The following UCMA variants were observed in gnomAD, a reference collection of about 807,000 sequenced individuals.
UCMA encodes the protein upper zone of growth plate and cartilage matrix-associated protein.
In UCMA, 21 loss-of-function variants were observed where a neutral mutation model predicts 21.8. That is an observed-to-expected ratio of 0.97 (90% confidence interval 0.68 to 1.39). The LOEUF (loss-of-function observed/expected upper bound fraction) is 1.39, where lower values mean the gene tolerates loss of function less well. Among genes scored for constraint, UCMA ranks in the 40% most tolerant of loss-of-function variants. UCMA has a pLI of 0.00. For synonymous variants in UCMA, 76 were observed against 67.9 expected, an observed-to-expected ratio of 1.12 and a Z score of -0.58; for missense variants, 193 against 178.9, an observed-to-expected ratio of 1.08 and a Z score of -0.45.
chr10:13,234,069 CACACACAT>C, intron 1 of UCMA, 124 bp downstream of exon 1: 1 of 760,156 alleles, frequency 1.3e-6, no homozygotes, highest in Non-Finnish European at 2.1e-6. Flanking sequence ...ATGCACACGA[CACACACAT>C]ACACACATGT....
At chr10:13,233,024 T>C (rs1421238974) in intron 3 of UCMA, among the ~76,000 whole-genome samples, 1 of 151,984 alleles carries the variant, frequency 6.6e-6, no homozygotes, top group Non-Finnish European at 1.5e-5. Context: ...AGGGAGGAAG[T>C]AGCCAAGGCC....
At chr10:13,223,919 G>C (rs985906193) in intron 4 of UCMA, among the ~76,000 whole-genome samples, 1 of 152,108 alleles carries the variant, frequency 6.6e-6, no homozygotes, top group African/African-American at 2.4e-5. Context: ...AGGGAGGAAT[G>C]GCGAGTTACT....
chr10:13,230,850 A>G (rs60451973), intron 3 of UCMA, among the ~76,000 whole-genome samples: 17,814 of 152,234 alleles, frequency 0.12, 1,163 homozygotes, highest in African/African-American at 0.12. Flanking sequence ...TGAGGTCAGG[A>G]GTTCAAGCCC....
chr10:13,232,759 A>G (rs1834915440), intron 3 of UCMA, among the ~76,000 whole-genome samples: 1 of 152,124 alleles, frequency 6.6e-6, no homozygotes, highest in Non-Finnish European at 1.5e-5. Context: ...GACTCAAGCC[A>G]GAGACTCGGG....
chr10:13,227,729 A>G lies in UCMA; in HGVS notation c.319+1882T>C, dbSNP rs1315690976. ...GAGACTGTCTCAAAAAAAAAAAAAA[A>G]AAAGGAAAGGAAATACACACACACA... On this transcript the variant is annotated intron_variant, in intron 4 of 4. Coordinates refer to ENST00000378681, the MANE Select transcript of UCMA (RefSeq NM_145314.3). Among the ~76,000 whole-genome samples, 9 of 127,414 alleles carry G rather than the reference A, an allele frequency of 7.1e-5. No individual in the cohort carries two copies. In the East Asian group the frequency reaches 2.0e-3, roughly 28 times the overall value. The allele number at this position is 127,414 out of a possible 152,430, so 83.6% of individuals were successfully genotyped here.
chr10:13,224,815 C>T (rs538079489), intron 4 of UCMA, among the ~76,000 whole-genome samples: 66 of 152,240 alleles, frequency 4.3e-4, no homozygotes, highest in African/African-American at 1.5e-3. Context: ...GTTGAGGCAC[C>T]GCAGCTGCCA....
intron 4 of UCMA, among the ~76,000 whole-genome samples, chr10:13,226,530 G>A (rs2131603768): frequency 6.6e-6 from 1 of 152,170 alleles, no homozygotes; most frequent in South Asian, 2.1e-4. Flanking sequence ...TCGCTTAGTT[G>A]CCCAAGCTGG....
Position 13,234,264 on chromosome 10 carries a change from C to T in UCMA, c.-6G>A. 2 of 1,613,636 alleles carry T rather than the reference C, an allele frequency of 1.2e-6. No individual in the cohort carries two copies. The highest frequency in any genetic ancestry group is 1.7e-6 in the Non-Finnish European group (2 of 1,179,928). ...ACGGCCTGTCTCCAAGTCATCTTTG[C>T]AGAGGTAGGGGCTCCGTCCAGGACC... is the stretch of plus-strand genomic sequence containing the variant. On this transcript the variant is annotated 5_prime_UTR_variant, in exon 1 of 5. Coordinates refer to ENST00000378681, the MANE Select transcript of UCMA (RefSeq NM_145314.3).
rs766245822 is a variant in UCMA at position 13,233,564 on chromosome 10, G to A, written c.194C>T (p.Ser65Phe). ...ATTGACCTCATCTCTGGACTTGGGGGACCGCTTGCCGCGCCTCTTGAGGAA... is the reference window on the plus strand; with the variant it reads ...ATTGACCTCATCTCTGGACTTGGGGAACCGCTTGCCGCGCCTCTTGAGGAA... Reference protein sequence around the residue: ...SNFLKRRGKRSPKSRDEVNVE... With the variant: ...SNFLKRRGKRFPKSRDEVNVE... The change falls in exon 3 of 5, where the codon TCC becomes TTC. Residue 65 changes from serine to phenylalanine, a missense_variant. Transcript: ENST00000378681. 1 of 1,614,014 alleles carries A rather than the reference G, an allele frequency of 6.2e-7. No homozygotes were observed. The highest frequency in any genetic ancestry group is 2.2e-5 in the East Asian group (1 of 44,862).
chr10:13,233,438 G>C, intron 3 of UCMA, 100 bp downstream of exon 3: 2 of 956,488 alleles, frequency 2.1e-6, no homozygotes, highest in Non-Finnish European at 1.6e-6. Flanking sequence ...TTCGTGCCCA[G>C]CTGCATCCTG....
At chr10:13,231,097 A>G (rs542891420) in intron 3 of UCMA, among the ~76,000 whole-genome samples, 1 of 152,050 alleles carries the variant, frequency 6.6e-6, no homozygotes, top group Admixed American at 6.6e-5. Flanking sequence ...CTTGGAAGTA[A>G]GACGCTTACC....
chr10:13,233,744 C>A lies in UCMA; in HGVS notation c.115G>T (p.Ala39Ser). The A allele has an allele frequency of 6.2e-7, 1 of 1,614,036 alleles. No individual in the cohort carries two copies. Among genetic ancestry groups the A allele is most frequent in the Non-Finnish European group, 8.5e-7 (1 of 1,180,030 alleles). The change falls in exon 2 of 5, where the codon GCG becomes TCG. Residue 39 changes from alanine to serine, a missense_variant. Coordinates refer to ENST00000378681, the MANE Select transcript of UCMA (RefSeq NM_145314.3). ...VGTMQMAGEE[A>S]SEDAKQKIFM... is the part of the protein sequence containing the mutation. Reference sequence around the variant, plus strand: ...TGGCCCCTGCACTCACCTTCACTCGCCTCTTCTCCCGCCATCTGCATGGTG... The same window carrying A: ...TGGCCCCTGCACTCACCTTCACTCGACTCTTCTCCCGCCATCTGCATGGTG...
chr10:13,229,238 C>T (rs562081812), intron 4 of UCMA, among the ~76,000 whole-genome samples: 84 of 152,220 alleles, frequency 5.5e-4, no homozygotes, highest in Non-Finnish European at 1.0e-3. Flanking sequence ...GCCCGGCCCT[C>T]CCTTCTTTTC....
intron 3 of UCMA, among the ~76,000 whole-genome samples, chr10:13,231,047 A>AGAAT (rs1834892200): frequency 6.8e-6 from 1 of 146,456 alleles, no homozygotes; most frequent in African/African-American, 2.5e-5. Flanking sequence ...ACTCTGTCTT[A>AGAAT]AAATAAATAA....
Position 13,222,188 on chromosome 10 carries a change from C to T in UCMA, c.332G>A (p.Arg111Lys). 9.3e-6 allele frequency: 15 copies of T among 1,613,842 alleles called. No homozygotes were observed. Among genetic ancestry groups the T allele is most frequent in the Non-Finnish European group, 1.3e-5 (15 of 1,179,938 alleles). The change falls in exon 5 of 5, where the codon AGG (arginine) becomes AAG (lysine). Residue 111 changes from arginine to lysine, a missense_variant. Coordinates refer to ENST00000378681, the MANE Select transcript of UCMA (RefSeq NM_145314.3). Reference sequence around the variant, plus strand: ...CCACTGCTCCACAGCCTCCCGGCTCCTCTCTTCCTGCTCTGGGGAGGAAAG... The same window carrying T: ...CCACTGCTCCACAGCCTCCCGGCTCTTCTCTTCCTGCTCTGGGGAGGAAAG... Reference protein sequence around the residue: ...VEEQNDEQEERSREAVEQWRQ... With the variant: ...VEEQNDEQEEKSREAVEQWRQ...
chr10:13,233,473 A>T, intron 3 of UCMA, 65 bp downstream of exon 3: 1 of 1,321,642 alleles, frequency 7.6e-7, no homozygotes, highest in Non-Finnish European at 1.1e-6. Flanking sequence ...GTGGGAGAGG[A>T]GGAGCCGGGG....
chr10:13,234,140 G>C, intron 1 of UCMA, 61 bp downstream of exon 1: 2 of 1,480,052 alleles, frequency 1.4e-6, no homozygotes, highest in Non-Finnish European at 1.8e-6. Flanking sequence ...CCTTACCTGT[G>C]CATGGTAAGT....
chr10:13,227,270 A>G (rs1266096687), intron 4 of UCMA, among the ~76,000 whole-genome samples: 6 of 152,196 alleles, frequency 3.9e-5, no homozygotes, highest in Non-Finnish European at 7.3e-5. Context: ...TCCCCAGTCC[A>G]TCAGAGCAAA....
intron 1 of UCMA, 94 bp downstream of exon 1, chr10:13,234,107 T>A: frequency 8.0e-7 from 1 of 1,246,370 alleles, no homozygotes; most frequent in Non-Finnish European, 1.1e-6. Context: ...GCATACTCCT[T>A]TCTACCTGCA....
Sources: gnomAD v4.1 joint callset for allele counts (sites outside exome capture counted in the v4.1 genomes callset) on GRCh38, gnomAD v4.1.1 for gene constraint, MANE v1.5 for transcripts, NCBI Gene and HGNC (gene_info 2026-07-23, HGNC 2026-07-21) for gene names.